RSF1: variants seen among roughly 807,000 people sequenced by gnomAD.
The protein encoded by RSF1 is remodeling and spacing factor 1.
A neutral mutation model predicts 145.2 loss-of-function variants in RSF1; 13 were observed. The ratio of observed to expected loss-of-function variants is 0.09; its 90% CI spans 0.06 to 0.14. RSF1 has a LOEUF of 0.14. RSF1 is among the 10% of genes least tolerant of loss of function. The probability of loss-of-function intolerance (pLI) is 1.00; values close to 1 mark genes in which losing one functional copy is unlikely to be tolerated. For synonymous variants in RSF1, 577 were observed against 592.6 expected (o/e 0.97, Z 0.38); for missense variants, 1,517 against 1,718.2 (o/e 0.88, Z 2.07).
intron 4 of RSF1, among the ~76,000 whole-genome samples, chr11:77,730,908 C>G (rs1961191143): frequency 6.6e-6 from 1 of 152,100 alleles, no homozygotes; most frequent in African/African-American, 2.4e-5. Context: ...TGTAAATTGC[C>G]AAGTCTTGTC....
intron 9 of RSF1, among the ~76,000 whole-genome samples, chr11:77,689,116 C>T (rs1026257259): frequency 3.3e-5 from 5 of 152,168 alleles, no homozygotes; most frequent in Admixed American, 6.5e-5. Flanking sequence ...AGTGTATAAA[C>T]GGGCATCAAG....
chr11:77,715,061 T>C (rs1305030865), intron 5 of RSF1, among the ~76,000 whole-genome samples: 1 of 152,138 alleles, frequency 6.6e-6, no homozygotes, highest in African/African-American at 2.4e-5. Context: ...GTGTTCAAGG[T>C]TACAGTGATT....
At chr11:77,817,141 A>G (rs977289874) in intron 1 of RSF1, among the ~76,000 whole-genome samples, 1 of 152,218 alleles carries the variant, frequency 6.6e-6, no homozygotes, top group Non-Finnish European at 1.5e-5. Flanking sequence ...GTATCTCAGT[A>G]ATTTTCTCAC....
chr11:77,722,152 C>T (rs1960956287), intron 5 of RSF1, among the ~76,000 whole-genome samples: 1 of 152,114 alleles, frequency 6.6e-6, no homozygotes, highest in African/African-American at 2.4e-5. Flanking sequence ...TGCACTCCAG[C>T]CCGGGTGACA....
rs115602465 is a variant in RSF1 at position 77,738,359 on chromosome 11, A to G, written c.578+2372T>C. ...AGATCAAAATATTTAGAAAAAAATG[A>G]ACTAAAGTTAATACAATAAAAATAC... On this transcript the variant is annotated intron_variant, in intron 4 of 15. Transcript: ENST00000308488. 4.4e-3 allele frequency among the ~76,000 whole-genome samples: 664 copies of G among 152,344 alleles called. 4 individuals carry two copies. The highest frequency in any genetic ancestry group is 0.015 in the African/African-American group (629 of 41,584).
chr11:77,768,256 G>A (rs371306024), intron 1 of RSF1, among the ~76,000 whole-genome samples: 3 of 145,138 alleles, frequency 2.1e-5, no homozygotes, highest in South Asian at 2.2e-4. Flanking sequence ...TCTGCCTCCC[G>A]GGTTCAAGCG....
the RSF1 span, among the ~76,000 whole-genome samples, chr11:77,861,315 T>C: frequency 2.7e-4 from 41 of 152,276 alleles, no homozygotes; most frequent in Admixed American, 5.2e-4. Flanking sequence ...AGTCACAACT[T>C]AGTGGCTGAG....
At chr11:77,730,379 T>G (rs1396360685) in intron 4 of RSF1, among the ~76,000 whole-genome samples, 1 of 152,180 alleles carries the variant, frequency 6.6e-6, no homozygotes, top group Admixed American at 6.5e-5. Context: ...GAAAATATTT[T>G]TAACGAGGTA....
intron 11 of RSF1, among the ~76,000 whole-genome samples, chr11:77,681,204 G>A (rs1959850713): frequency 6.6e-6 from 1 of 152,114 alleles, no homozygotes; most frequent in Admixed American, 6.6e-5. Flanking sequence ...ATCTGTCATG[G>A]TGGATTAACA....
chr11:77,716,092 G>A (rs1349629839), intron 5 of RSF1, among the ~76,000 whole-genome samples: 1 of 151,782 alleles, frequency 6.6e-6, no homozygotes, highest in Non-Finnish European at 1.5e-5. Flanking sequence ...TGTTAGGGTG[G>A]TTATTATCAA....
intron 1 of RSF1, among the ~76,000 whole-genome samples, chr11:77,782,409 C>A (rs977089199): frequency 6.6e-6 from 1 of 152,042 alleles, no homozygotes; most frequent in Non-Finnish European, 1.5e-5. Context: ...GGTGTGGTGG[C>A]GCGCACCTGT....
intron 1 of RSF1, among the ~76,000 whole-genome samples, chr11:77,794,950 A>G (rs1393240131): frequency 6.6e-6 from 1 of 152,220 alleles, no homozygotes; most frequent in Non-Finnish European, 1.5e-5. Flanking sequence ...CTGTAATTAG[A>G]AAAACCTAAA....
chr11:77,784,978 C>T lies in RSF1; in HGVS notation c.188-20289G>A, dbSNP rs75582366. On this transcript the variant is annotated intron_variant, in intron 1 of 15. Coordinates refer to ENST00000308488, the MANE Select transcript of RSF1 (RefSeq NM_016578.4). ...TAGCCCTCTTCTTTTCAGAACCTGG[C>T]CCTGCAACTTCTAGCTGCCTAAGCC... 5.7e-3 allele frequency among the ~76,000 whole-genome samples: 873 copies of T among 152,318 alleles called. 5 individuals carry two copies. Among genetic ancestry groups the T allele is most frequent in the African/African-American group, 0.02 (840 of 41,560 alleles).
At chr11:77,858,409 G>A in the RSF1 span, among the ~76,000 whole-genome samples, 5 of 148,180 alleles carry the variant, frequency 3.4e-5, no homozygotes, top group East Asian at 2.0e-4. Flanking sequence ...TTGCCGGCTC[G>A]AATGCCTGCT....
At chr11:77,743,607 T>C (rs1213850882) in intron 3 of RSF1, among the ~76,000 whole-genome samples, 1 of 152,244 alleles carries the variant, frequency 6.6e-6, no homozygotes, top group Non-Finnish European at 1.5e-5. Context: ...TTAGTTCTAA[T>C]AGTCTGTTGG....
intron 9 of RSF1, among the ~76,000 whole-genome samples, chr11:77,690,514 C>T (rs1424139184): frequency 6.6e-6 from 1 of 152,122 alleles, no homozygotes; most frequent in African/African-American, 2.4e-5. Flanking sequence ...AGTGCAGTGG[C>T]GTGATCTTGG....
At chr11:77,821,720 T>TCGGGG (rs921308300), upstream of RSF1, among the ~76,000 whole-genome samples, 4 of 150,502 alleles carry the variant, frequency 2.7e-5, no homozygotes, top group Non-Finnish European at 4.4e-5. Flanking sequence ...GGGTTCCACT[T>TCGGGG]CGGGGCGGGG....
intron 2 of RSF1, among the ~76,000 whole-genome samples, chr11:77,757,234 A>G (rs1423669071): frequency 1.3e-5 from 2 of 152,200 alleles, no homozygotes; most frequent in Admixed American, 1.3e-4. Flanking sequence ...GAGCCCTAGC[A>G]TAAAGGCTAG....
intron 7 of RSF1, among the ~76,000 whole-genome samples, chr11:77,697,675 C>A (rs187436730): frequency 6.6e-6 from 1 of 150,550 alleles, no homozygotes; most frequent in Admixed American, 6.6e-5. Context: ...ACAATTTATT[C>A]TCCTATAAAT....
Sources: gnomAD v4.1 joint callset for allele counts (sites outside exome capture counted in the v4.1 genomes callset) on GRCh38, gnomAD v4.1.1 for gene constraint, MANE v1.5 for transcripts, NCBI Gene and HGNC (gene_info 2026-07-23, HGNC 2026-07-21) for gene names.